The following FMN1 variants were observed in gnomAD, a reference collection of about 807,000 sequenced individuals.
FMN1 encodes the protein formin 1.
A neutral mutation model predicts 132.4 loss-of-function variants in FMN1; 110 were observed. The observed-to-expected ratio is 0.83, with a 90% confidence interval of 0.71 to 0.97. The LOEUF (loss-of-function observed/expected upper bound fraction) is 0.97, where lower values mean the gene tolerates loss of function less well. Ranked by LOEUF, FMN1 falls within the 50% of genes least tolerant of loss-of-function variation. The probability of loss-of-function intolerance (pLI) is 0.00; values close to 1 mark genes in which losing one functional copy is unlikely to be tolerated. For synonymous variants in FMN1, 722 were observed against 651.7 expected, an observed-to-expected ratio of 1.11 and a Z score of -1.64; for missense variants, 1,792 against 1,705.3, an observed-to-expected ratio of 1.05 and a Z score of -0.90.
intron 16 of FMN1, among the ~76,000 whole-genome samples, chr15:32,861,542 A>G (rs1445108230): frequency 6.6e-6 from 1 of 152,220 alleles, no homozygotes; most frequent in Non-Finnish European, 1.5e-5. Context: ...GATATTTAAG[A>G]TAATACATAC....
chr15:33,098,753 G>C (rs1353681233), intron 4 of FMN1, among the ~76,000 whole-genome samples: 1 of 152,122 alleles, frequency 6.6e-6, no homozygotes, highest in Non-Finnish European at 1.5e-5. Context: ...TTTGGAGATG[G>C]CTACTTTCTT....
intron 9 of FMN1, among the ~76,000 whole-genome samples, chr15:32,938,795 T>C (rs2061336625): frequency 6.6e-6 from 1 of 152,154 alleles, no homozygotes; most frequent in African/African-American, 2.4e-5. Flanking sequence ...ACAGGTGAAA[T>C]GTGTTTTCAT....
At chr15:32,821,612 C>T (rs1171744129) in intron 17 of FMN1, among the ~76,000 whole-genome samples, 1 of 151,860 alleles carries the variant, frequency 6.6e-6, no homozygotes, top group Non-Finnish European at 1.5e-5. Context: ...CCACCATGCC[C>T]AGCTAATTTT....
At chr15:33,164,089 C>T (rs959353779) in intron 3 of FMN1, among the ~76,000 whole-genome samples, 6 of 144,476 alleles carry the variant, frequency 4.2e-5, no homozygotes, top group Non-Finnish European at 9.6e-5. Context: ...AGGAATCAGC[C>T]TTGACAAGAA....
At chr15:33,129,089 A>T (rs1963420756) in intron 4 of FMN1, among the ~76,000 whole-genome samples, 1 of 152,194 alleles carries the variant, frequency 6.6e-6, no homozygotes, top group South Asian at 2.1e-4. Flanking sequence ...CTAGCTAGGC[A>T]GAAAAGTTCT....
At chr15:32,958,901 G>C (rs886945594) in intron 9 of FMN1, among the ~76,000 whole-genome samples, 9 of 152,012 alleles carry the variant, frequency 5.9e-5, no homozygotes, top group African/African-American at 7.3e-5. Context: ...AATTAGCTGG[G>C]CGTGATGGTG....
At chr15:32,849,687 C>T (rs1024543155) in intron 17 of FMN1, among the ~76,000 whole-genome samples, 1 of 151,438 alleles carries the variant, frequency 6.6e-6, no homozygotes, top group Non-Finnish European at 1.5e-5. Context: ...TTGGAGGAGT[C>T]TCACTGTGGC....
At chr15:32,822,423 T>C (rs1462098916) in intron 17 of FMN1, among the ~76,000 whole-genome samples, 1 of 152,236 alleles carries the variant, frequency 6.6e-6, no homozygotes, top group African/African-American at 2.4e-5. Flanking sequence ...CAAAAGAATT[T>C]ACTTTTCTCA....
intron 9 of FMN1, among the ~76,000 whole-genome samples, chr15:32,930,911 G>C (rs2061100239): frequency 6.6e-6 from 1 of 152,028 alleles, no homozygotes. Flanking sequence ...TTTGTGTGTG[G>C]ATAGCCAGTT....
rs16963734 is a variant in FMN1 at position 33,032,144 on chromosome 15, A to G, written c.2162-24069T>C. On this transcript the variant is annotated intron_variant, in intron 6 of 20. Coordinates refer to ENST00000616417, the MANE Select transcript of FMN1 (RefSeq NM_001277313.2). ...TCTCTAATCCATGGAGGTTTTAACC[A>G]TAGTATTCCACTTGTAGGACACTTA... Among the ~76,000 whole-genome samples the G allele has an allele frequency of 8.0e-3, 1,219 of 152,340 alleles. 22 individuals carry two copies. Among genetic ancestry groups the G allele is most frequent in the African/African-American group, 0.028 (1,169 of 41,578 alleles).
At chr15:33,124,490 G>C (rs914667875) in intron 4 of FMN1, among the ~76,000 whole-genome samples, 2 of 152,092 alleles carry the variant, frequency 1.3e-5, no homozygotes, top group African/African-American at 2.4e-5. Flanking sequence ...ATTACTGCTT[G>C]GGACTGAGCA....
At chr15:32,808,448 G>C (rs375416272) in intron 17 of FMN1, among the ~76,000 whole-genome samples, 11 of 152,320 alleles carry the variant, frequency 7.2e-5, no homozygotes, top group African/African-American at 2.6e-4. Context: ...CATGGCTGCT[G>C]GGGGTTCAAG....
At chr15:33,125,673 C>A (rs1158674047) in intron 4 of FMN1, among the ~76,000 whole-genome samples, 3 of 149,794 alleles carry the variant, frequency 2.0e-5, no homozygotes, top group Admixed American at 1.3e-4. Flanking sequence ...AACCTCGTCT[C>A]TACTAAAATA....
At chr15:32,860,225 TAGGA>T (rs938941723) in intron 16 of FMN1, among the ~76,000 whole-genome samples, 1 of 103,646 alleles carries the variant, frequency 9.6e-6, no homozygotes, top group Admixed American at 1.1e-4. Context: ...GAGGAAGAGG[TAGGA>T]AGGGAGGGAG....
intron 13 of FMN1, among the ~76,000 whole-genome samples, chr15:32,900,472 C>T (rs1484234890): frequency 1.3e-5 from 2 of 152,078 alleles, no homozygotes; most frequent in African/African-American, 2.4e-5. Flanking sequence ...TAAGGCTTAA[C>T]CTTTGATGAC....
chr15:32,929,981 ATTTTTTTTTT>A (rs377263342), intron 9 of FMN1, among the ~76,000 whole-genome samples: 7 of 91,970 alleles, frequency 7.6e-5, no homozygotes, highest in Admixed American at 1.4e-4. Flanking sequence ...CTATTTTTAA[ATTTTTTTTTT>A]TTTTTTTTTT....
intron 6 of FMN1, among the ~76,000 whole-genome samples, chr15:33,055,659 T>C (rs2037184729): frequency 1.3e-5 from 2 of 151,148 alleles, no homozygotes; most frequent in Admixed American, 6.6e-5. Flanking sequence ...CAGGTCTAAA[T>C]GACAAATGAA....
chr15:32,870,766 T>G (rs1019017849), intron 16 of FMN1, among the ~76,000 whole-genome samples: 9 of 152,164 alleles, frequency 5.9e-5, no homozygotes, highest in African/African-American at 1.9e-4. Context: ...TTATAGGGTG[T>G]TAAGCGATTC....
chr15:33,129,538 G>A (rs1197894165), intron 4 of FMN1, among the ~76,000 whole-genome samples: 1 of 152,076 alleles, frequency 6.6e-6, no homozygotes, highest in African/African-American at 2.4e-5. Flanking sequence ...CCCACTTCCT[G>A]GCATGCATGC....
Sources: gnomAD v4.1 joint callset for allele counts (sites outside exome capture counted in the v4.1 genomes callset) on GRCh38, gnomAD v4.1.1 for gene constraint, MANE v1.5 for transcripts, NCBI Gene and HGNC (gene_info 2026-07-23, HGNC 2026-07-21) for gene names.